The following TFB1M variants were observed in gnomAD, a reference collection of about 807,000 sequenced individuals.
TFB1M encodes transcription factor B1, mitochondrial.
TFB1M carries 27 observed loss-of-function variants against 31.1 expected under a neutral mutation model. That is an observed-to-expected ratio of 0.87 (90% confidence interval 0.64 to 1.20). TFB1M has a LOEUF of 1.20. Among genes scored for constraint, TFB1M ranks in the 50% most tolerant of loss-of-function variants. The pLI is 0.00. For synonymous variants in TFB1M, 166 were observed against 151.8 expected (o/e 1.09, Z -0.69); for missense variants, 394 against 418.7 (o/e 0.94, Z 0.51).
chr6:155,285,681 T>G (rs185928090), intron 4 of TFB1M, among the ~76,000 whole-genome samples: 104 of 152,290 alleles, frequency 6.8e-4, no homozygotes, highest in African/African-American at 2.4e-3. Flanking sequence ...CACCCCAATA[T>G]ATGAATGAAC....
At chr6:155,249,746 T>C in the TFB1M span, 1 of 883,746 alleles carries the variant, frequency 1.1e-6, no homozygotes, top group Middle Eastern at 2.4e-4. Flanking sequence ...TAGTGGGTAC[T>C]GGTCTGGAAT....
chr6:155,301,268 C>T (rs923818006), intron 2 of TFB1M, among the ~76,000 whole-genome samples: 4 of 152,162 alleles, frequency 2.6e-5, no homozygotes, highest in South Asian at 4.1e-4. Flanking sequence ...GGAATGAACG[C>T]TCATGTTAAC....
At chr6:155,233,923 A>G in the TFB1M span, among the ~76,000 whole-genome samples, 799 of 151,356 alleles carry the variant, frequency 5.3e-3, 6 homozygotes, top group African/African-American at 0.018. Flanking sequence ...TGATTGTACC[A>G]CAGCACTCCA....
chr6:155,265,342 G>T (rs1475883047), intron 5 of TFB1M, among the ~76,000 whole-genome samples: 1 of 152,208 alleles, frequency 6.6e-6, no homozygotes, highest in Non-Finnish European at 1.5e-5. Context: ...GATAAATGCT[G>T]CTAGTAATAT....
intron 4 of TFB1M, among the ~76,000 whole-genome samples, chr6:155,296,205 A>G (rs1002731392): frequency 6.6e-6 from 1 of 152,040 alleles, no homozygotes; most frequent in Non-Finnish European, 1.5e-5. Flanking sequence ...TATATACTGA[A>G]TAATGAGACC....
the TFB1M span, among the ~76,000 whole-genome samples, chr6:155,239,732 A>G: frequency 2.6e-5 from 4 of 152,086 alleles, no homozygotes; most frequent in Admixed American, 2.6e-4. Flanking sequence ...CTGAGCCCAC[A>G]TTCCCTAGGC....
chr6:155,285,066 G>C, intron 5 of TFB1M, 92 bp downstream of exon 5: 1 of 1,528,782 alleles, frequency 6.5e-7, no homozygotes, highest in Non-Finnish European at 9.0e-7. Context: ...CATAAACAAA[G>C]GTTAGATCCT....
At chr6:155,275,976 T>G (rs144781507) in intron 5 of TFB1M, 77 of 1,614,102 alleles carry the variant, frequency 4.8e-5, no homozygotes, top group Non-Finnish European at 6.5e-5. Flanking sequence ...ACCATGGTCC[T>G]GGCGTGTGTT....
the TFB1M span, chr6:155,244,114 C>T: frequency 6.4e-4 from 1,006 of 1,584,070 alleles, 10 homozygotes; most frequent in South Asian, 0.01. Flanking sequence ...TCCAGTGATC[C>T]ACAGGTTAGT....
intron 5 of TFB1M, 84 bp from the exon 6 acceptor site, chr6:155,260,484 A>C: frequency 1.3e-6 from 2 of 1,582,192 alleles, no homozygotes; most frequent in Non-Finnish European, 1.7e-6. Context: ...GTAAAACAGG[A>C]GGATGGGCTG....
At chr6:155,248,256 C>G in the TFB1M span, 1 of 1,485,218 alleles carries the variant, frequency 6.7e-7, no homozygotes, top group Non-Finnish European at 9.0e-7. Flanking sequence ...CTGGGCCTGA[C>G]AGCTCACCTC....
the TFB1M span, among the ~76,000 whole-genome samples, chr6:155,247,150 G>A: frequency 6.6e-6 from 1 of 152,218 alleles, no homozygotes; most frequent in Admixed American, 6.5e-5. Flanking sequence ...GCAGGCTGTG[G>A]TGCCTGTCAC....
At chr6:155,314,079 C>A (rs1002987481) in intron 1 of TFB1M, 11 of 1,416,322 alleles carry the variant, frequency 7.8e-6, no homozygotes, top group African/African-American at 7.2e-5. Flanking sequence ...GCAGGCTACA[C>A]CCCCCCGAAC....
At chr6:155,309,378 G>A (rs988203374) in intron 2 of TFB1M, among the ~76,000 whole-genome samples, 2 of 152,180 alleles carry the variant, frequency 1.3e-5, no homozygotes, top group African/African-American at 2.4e-5. Context: ...CCAGACAGGT[G>A]AGTCAATTAA....
chr6:155,230,944 C>T, the TFB1M span, among the ~76,000 whole-genome samples: 2 of 151,886 alleles, frequency 1.3e-5, no homozygotes. Flanking sequence ...AGCAGTCCTC[C>T]CAACTCAGGT....
At chr6:155,262,272 C>G (rs1219081608) in intron 5 of TFB1M, among the ~76,000 whole-genome samples, 1 of 152,108 alleles carries the variant, frequency 6.6e-6, no homozygotes, top group Admixed American at 6.6e-5. Flanking sequence ...GGCAGCAGCC[C>G]AAGACACACT....
Position 155,305,171 on chromosome 6 carries a change from T to C in TFB1M, c.285+6017A>G, listed in dbSNP as rs1478344339. Among the ~76,000 whole-genome samples, 26 of 94,260 alleles carry C rather than the reference T, an allele frequency of 2.8e-4. 1 individual carries two copies. The South Asian group carries it at 8.0e-3, about 29-fold the overall frequency. The allele number at this position is 94,260 out of a possible 152,430, so 61.8% of individuals were successfully genotyped here. A position where few individuals can be genotyped will look rare whatever the true frequency, so the allele number is the denominator to read the frequency against. The stretch of plus-strand genomic sequence containing the variant: ...ATATAAATATATATTAAATTATATA[T>C]TTATATATATATTAAATTATATATT... On this transcript the variant is annotated intron_variant, in intron 2 of 6. Coordinates refer to ENST00000367166, the MANE Select transcript of TFB1M (RefSeq NM_016020.4).
chr6:155,275,892 G>A, intron 5 of TFB1M: 2 of 1,614,156 alleles, frequency 1.2e-6, no homozygotes, highest in Non-Finnish European at 1.7e-6. Context: ...ACGTGGTACA[G>A]CACTGGGATG....
At chr6:155,239,636 G>T in the TFB1M span, among the ~76,000 whole-genome samples, 1 of 152,252 alleles carries the variant, frequency 6.6e-6, no homozygotes, top group South Asian at 2.1e-4. Flanking sequence ...TGTGCCAAAG[G>T]CCAGTGGTCC....
Sources: gnomAD v4.1 joint callset for allele counts (sites outside exome capture counted in the v4.1 genomes callset) on GRCh38, gnomAD v4.1.1 for gene constraint, MANE v1.5 for transcripts, NCBI Gene and HGNC (gene_info 2026-07-23, HGNC 2026-07-21) for gene names.